INSL6: variants seen among roughly 807,000 people sequenced by gnomAD.
INSL6 encodes insulin-like peptide INSL6.
Under a neutral mutation model 9.4 loss-of-function variants are expected in INSL6, and 16 were observed. The observed-to-expected ratio is 1.70, with a 90% CI of 1.15 to 2.59. The LOEUF is 2.59. Ranked by LOEUF, INSL6 falls within the 30% of genes most tolerant of loss-of-function variation. The pLI is 0.00. For synonymous variants in INSL6, 154 were observed against 96.9 expected, an observed-to-expected ratio of 1.59 and a Z score of -3.46; for missense variants, 391 against 257.3, an observed-to-expected ratio of 1.52 and a Z score of -3.56.
At chr9:5,154,114 C>G (rs988037035) in intron 2 of INSL6, among the ~76,000 whole-genome samples, 3 of 151,714 alleles carry the variant, frequency 2.0e-5, no homozygotes, top group African/African-American at 7.3e-5. Flanking sequence ...GGTAGTGGTA[C>G]CAAAACAGAG....
the INSL6 span, among the ~76,000 whole-genome samples, chr9:5,056,240 A>AG: frequency 1.3e-5 from 2 of 152,148 alleles, no homozygotes; most frequent in African/African-American, 4.8e-5. Context: ...CCCAAGCTGT[A>AG]GGACATGGTT....
the INSL6 span, among the ~76,000 whole-genome samples, chr9:5,082,380 C>G: frequency 6.6e-6 from 1 of 152,238 alleles, no homozygotes; most frequent in African/African-American, 2.4e-5. Flanking sequence ...ATGCTTCTCT[C>G]CACCCAAACA....
chr9:5,040,177 C>A, the INSL6 span, among the ~76,000 whole-genome samples: 2 of 152,032 alleles, frequency 1.3e-5, no homozygotes, highest in African/African-American at 4.8e-5. Context: ...GATTTTTGAT[C>A]AGGGTGCCAA....
At chr9:5,104,312 A>G in the INSL6 span, among the ~76,000 whole-genome samples, 1 of 152,230 alleles carries the variant, frequency 6.6e-6, no homozygotes, top group Non-Finnish European at 1.5e-5. Context: ...TAGAAAATCT[A>G]GAAGAAATGG....
At chr9:5,091,637 T>G in the INSL6 span, 1 of 152,144 alleles carries the variant, frequency 6.6e-6, no homozygotes, top group Admixed American at 6.5e-5. Flanking sequence ...TTAGGCCTTT[T>G]TGGTCAGATA....
intron 2 of INSL6, among the ~76,000 whole-genome samples, chr9:5,156,313 G>C (rs1824813958): frequency 6.6e-6 from 1 of 152,062 alleles, no homozygotes; most frequent in Non-Finnish European, 1.5e-5. Context: ...AATAAAGGAG[G>C]CAACACTTCA....
the INSL6 span, chr9:5,041,087 G>A: frequency 1.1e-5 from 8 of 709,746 alleles, no homozygotes; most frequent in Non-Finnish European, 2.0e-5. Context: ...ACCTACTACA[G>A]CCTGGAGGAC....
At chr9:5,112,976 C>G in the INSL6 span, 2 of 192,556 alleles carry the variant, frequency 1.0e-5, no homozygotes, top group Non-Finnish European at 2.1e-5. Context: ...ATTGAGCCAA[C>G]ACCGACCTGA....
intron 2 of INSL6, among the ~76,000 whole-genome samples, chr9:5,134,567 T>A (rs12337480): frequency 0.36 from 55,217 of 152,012 alleles, 10,953 homozygotes; most frequent in African/African-American, 0.54. Context: ...TTCAACCCAG[T>A]ATCTCATATC....
downstream of INSL6, chr9:5,122,924 T>C (rs573856944): frequency 3.3e-5 from 28 of 846,816 alleles, no homozygotes; most frequent in East Asian, 4.8e-4. Context: ...TTTTTTTTAA[T>C]TTATACAATG....
At chr9:5,180,450 G>A (rs755932161) in intron 1 of INSL6, among the ~76,000 whole-genome samples, 2 of 152,182 alleles carry the variant, frequency 1.3e-5, no homozygotes, top group Non-Finnish European at 2.9e-5. Context: ...GGATGTGCAA[G>A]TAGGGAAGAT....
chr9:5,015,594 G>C, the INSL6 span, among the ~76,000 whole-genome samples: 1 of 151,194 alleles, frequency 6.6e-6, no homozygotes, highest in East Asian at 1.9e-4. Context: ...GAGTGCAGTG[G>C]CATGAGCACA....
At chr9:5,021,889 C>A in the INSL6 span, 1 of 834,046 alleles carries the variant, frequency 1.2e-6, no homozygotes, top group Admixed American at 2.4e-5. Flanking sequence ...CGCCTCGGCC[C>A]CGCAAAGTGC....
the INSL6 span, chr9:5,080,541 A>G: frequency 4.7e-5 from 75 of 1,586,814 alleles, no homozygotes; most frequent in Middle Eastern, 1.7e-4. Flanking sequence ...AGAAGCTACA[A>G]TTTTATGAAG....
At position 5,166,283 on chromosome 9, in the gene INSL6, T is replaced by G. The variant is rs987151391; in HGVS notation, c.290-2018A>C. 2.0e-5 allele frequency among the ~76,000 whole-genome samples: 3 copies of G among 151,756 alleles called. No homozygotes were observed. The South Asian group carries it at 6.2e-4, about 32-fold the overall frequency. On this transcript the variant is annotated intron_variant, in intron 1 of 1. Coordinates refer to ENST00000381641, the MANE Select transcript of INSL6 (RefSeq NM_007179.3). ...TACAAAGTCTTTCTAGGTCCACTTCTATACCTTGTTTGTTTTTATAATAAC... is the reference window on the plus strand; with the variant it reads ...TACAAAGTCTTTCTAGGTCCACTTCGATACCTTGTTTGTTTTTATAATAAC...
At chr9:5,126,451 C>A in intron 3 of INSL6, 1 of 1,576,904 alleles carries the variant, frequency 6.3e-7, no homozygotes, top group Non-Finnish European at 8.7e-7. Flanking sequence ...GATGAGGTAA[C>A]AATTTTTTTT....
the INSL6 span, among the ~76,000 whole-genome samples, chr9:5,087,059 ATTGT>A: frequency 6.6e-6 from 1 of 152,156 alleles, no homozygotes; most frequent in African/African-American, 2.4e-5. Flanking sequence ...ATAAATCTTT[ATTGT>A]TTTCATTGAA....
At chr9:5,029,470 G>C in the INSL6 span, among the ~76,000 whole-genome samples, 1 of 152,158 alleles carries the variant, frequency 6.6e-6, no homozygotes, top group Non-Finnish European at 1.5e-5. Flanking sequence ...AGCACGTGCT[G>C]TTGGAAAAAT....
intron 2 of INSL6, among the ~76,000 whole-genome samples, chr9:5,143,201 A>G (rs1200062272): frequency 1.3e-5 from 2 of 151,384 alleles, no homozygotes; most frequent in African/African-American, 4.9e-5. Flanking sequence ...TGCTGACCTC[A>G]TAGAATGAGT....
Sources: allele counts gnomAD v4.1 joint callset (sites outside exome capture counted in the v4.1 genomes callset), GRCh38; gene constraint gnomAD v4.1.1; transcripts MANE v1.5; gene names NCBI Gene and HGNC (gene_info 2026-07-23, HGNC 2026-07-21).